Variants in BAZ2A observed in about 807,000 individuals in gnomAD.
BAZ2A encodes the protein bromodomain adjacent to zinc finger domain 2A.
A neutral mutation model predicts 199.9 loss-of-function variants in BAZ2A; 34 were observed. The ratio of observed to expected loss-of-function variants is 0.17; its 90% CI spans 0.13 to 0.23. The LOEUF (loss-of-function observed/expected upper bound fraction) is 0.23, where lower values mean the gene tolerates loss of function less well. Among genes scored for constraint, BAZ2A ranks in the 10% least tolerant of loss-of-function variants. BAZ2A has a pLI of 1.00. For missense variants in BAZ2A, 2,002 were observed against 2,391.1 expected (o/e 0.84, Z 3.39); for synonymous variants, 857 against 883.9 (o/e 0.97, Z 0.54).
chr12:56,601,749 T>C lies in BAZ2A; in HGVS notation c.3868A>G (p.Ser1290Gly), dbSNP rs762781355. The C allele has an allele frequency of 3.7e-6, 6 of 1,613,838 alleles. No individual in the cohort carries two copies. The highest frequency in any genetic ancestry group is 1.3e-5 in the African/African-American group (1 of 74,902). The change falls in exon 20 of 29, where the codon AGC (serine) becomes GGC (glycine). Residue 1290 changes from serine (S) to glycine (G), a missense_variant. Transcript: ENST00000549884. ...GCTGGGTCTAGTTTTCCCGGACTGCTATCAGGTGTGAGGACTGAGCTGCTC... is the reference window on the plus strand; with the variant it reads ...GCTGGGTCTAGTTTTCCCGGACTGCCATCAGGTGTGAGGACTGAGCTGCTC... ...LLSSSVLTPDSSPGKLDPAPS... is the reference protein window; with the variant it reads ...LLSSSVLTPDGSPGKLDPAPS...
In BAZ2A at chr12:56,601,914, G is replaced by A; in HGVS notation, c.3703C>T (p.Leu1235Phe). ...LHAPAQPQPQ[L>F]QLQLQSHKGF... Reference sequence around the variant, plus strand: ...TTATGGGACTGAAGCTGAAGCTGAAGCTGAGGCTGGGGCTGGGCAGGAGCA... The same window carrying A: ...TTATGGGACTGAAGCTGAAGCTGAAACTGAGGCTGGGGCTGGGCAGGAGCA... Residue 1235 changes from leucine to phenylalanine, a missense_variant, in exon 20 of 29, where the codon CTT (leucine) becomes TTT (phenylalanine). Physicochemically the swap from Leu to Phe is conservative, Grantham distance 22. Coordinates refer to ENST00000549884, the MANE Select transcript of BAZ2A (RefSeq NM_001300905.2). 1 of 1,601,084 alleles carries A rather than the reference G, an allele frequency of 6.2e-7. No homozygotes were observed. Among genetic ancestry groups the A allele is most frequent in the Non-Finnish European group, 8.5e-7 (1 of 1,173,616 alleles).
In BAZ2A at chr12:56,598,571, G is replaced by A. The variant is rs1339847640; in HGVS notation, c.*47C>T. ...AGGTGAAAATGGCAGGTTTTTGTTT[G>A]GAAGGTGGGGGGAGATGCCACAAGG... On this transcript the variant is annotated 3_prime_UTR_variant, in exon 29 of 29. Transcript: ENST00000549884. The A allele has an allele frequency of 6.3e-7, 1 of 1,585,246 alleles. No individual in the cohort carries two copies. The highest frequency in any genetic ancestry group is 1.3e-5 in the African/African-American group (1 of 74,198).
At chr12:56,604,169 G>A (rs369542052) in intron 16 of BAZ2A, 48 bp downstream of exon 16, 28 of 1,532,984 alleles carry the variant, frequency 1.8e-5, no homozygotes, top group African/African-American at 8.2e-5. Context: ...TGCTTCACCC[G>A]CCCCACTTCT....
Position 56,604,731 on chromosome 12 carries a change from C to G in BAZ2A, c.2817G>C (p.Leu939=). The change falls in exon 15 of 29, where the codon CTG becomes CTC. Residue 939 remains leucine (L), a synonymous_variant. Transcript: ENST00000549884. Reference sequence around the variant, plus strand: ...CTCCATATGCCATAAGGAAGCAGCGCAGGATCTCTGACACATTGTCTCTTG... The same window carrying G: ...CTCCATATGCCATAAGGAAGCAGCGGAGGATCTCTGACACATTGTCTCTTG... ...PLTRDNVSEI[L]RCFLMAYGVE... is the part of the protein sequence containing the mutation. 6.2e-7 allele frequency: 1 copy of G among 1,613,916 alleles called. No homozygotes were observed. The highest frequency in any genetic ancestry group is 8.5e-7 in the Non-Finnish European group (1 of 1,179,876).
upstream of BAZ2A, chr12:56,634,840 G>A: frequency 1.1e-6 from 1 of 913,646 alleles, no homozygotes; most frequent in Non-Finnish European, 1.3e-6. Flanking sequence ...CCCTCAGGGG[G>A]AGAGTCAGAT....
intron 20 of BAZ2A, 65 bp downstream of exon 20, chr12:56,601,481 C>T (rs1886476473): frequency 1.9e-6 from 3 of 1,593,738 alleles, no homozygotes; most frequent in African/African-American, 2.7e-5. Context: ...AGCAGCTCCA[C>T]ACCCAGGCAA....
intron 5 of BAZ2A, among the ~76,000 whole-genome samples, 181 bp from the exon 6 acceptor site, chr12:56,612,427 G>A (rs2137018810): frequency 6.6e-6 from 1 of 152,310 alleles, no homozygotes; most frequent in South Asian, 2.1e-4. Flanking sequence ...GGGTAAAGTT[G>A]CTACAGATGT....
intron 7 of BAZ2A, 153 bp downstream of exon 7, chr12:56,611,420 A>G (rs1950553359): frequency 6.8e-6 from 5 of 739,912 alleles, no homozygotes; most frequent in Non-Finnish European, 1.1e-5. Flanking sequence ...ATCTCATGCC[A>G]AGAAACATTA....
At chr12:56,611,523 G>A (rs1950557193) in intron 7 of BAZ2A, 50 bp downstream of exon 7, 1 of 1,545,652 alleles carries the variant, frequency 6.5e-7, no homozygotes, top group Non-Finnish European at 8.9e-7. Context: ...TTCTAGAGTT[G>A]TGCATTAAAC....
chr12:56,607,715 C>A (rs945929441), intron 10 of BAZ2A, among the ~76,000 whole-genome samples: 3 of 152,134 alleles, frequency 2.0e-5, no homozygotes, highest in Non-Finnish European at 4.4e-5. Context: ...ATAGAAACGC[C>A]ACCACATGTC....
At position 56,600,755 on chromosome 12, in the gene BAZ2A, C is replaced by G; in HGVS notation, c.4528G>C (p.Glu1510Gln). The change falls in exon 23 of 29, where the codon GAG (glutamate) becomes CAG (glutamine). Residue 1510 changes from glutamate (E) to glutamine (Q), a missense_variant. Physicochemically the swap from Glu to Gln is conservative, Grantham distance 29 (BLOSUM62 2). Coordinates refer to ENST00000549884, the MANE Select transcript of BAZ2A (RefSeq NM_001300905.2). ...MSWSPKEKTY[E>Q]TDLAVLQWVE... ...CATTGAAGCACTGCTAGGTCTGTCT[C>G]GTATGTCTTCTCTTTGGGGGACCAG... 6.2e-7 allele frequency: 1 copy of G among 1,613,832 alleles called. No homozygotes were observed. The highest frequency in any genetic ancestry group is 8.5e-7 in the Non-Finnish European group (1 of 1,179,894).
rs1421452662 is a variant in BAZ2A at position 56,630,245 on chromosome 12, G to T, written c.-123C>A. On this transcript the variant is annotated 5_prime_UTR_variant, in exon 1 of 29. Transcript: ENST00000549884. ...ACGCCCGCTGGGGAGGGGGTCTGGG[G>T]TCCGGGGTTCGGGAAGGGGGAGGGG... 2.0e-6 allele frequency: 2 copies of T among 983,586 alleles called. No individual in the cohort carries two copies. Among genetic ancestry groups the T allele is most frequent in the Non-Finnish European group, 2.4e-6 (2 of 828,304 alleles). 60.9% of individuals were successfully genotyped at this position (983,586 alleles called of 1,614,324 possible). A position where few individuals can be genotyped will look rare whatever the true frequency, so the allele number is the denominator to read the frequency against.
chr12:56,606,862 T>A, intron 10 of BAZ2A, 129 bp from the exon 11 acceptor site: 1 of 727,900 alleles, frequency 1.4e-6, no homozygotes, highest in Non-Finnish European at 2.3e-6. Flanking sequence ...GTAGCTTTTT[T>A]TTTTTTTAAG....
rs1950689816 is a variant in BAZ2A at position 56,615,556 on chromosome 12, G to C, written c.188C>G (p.Thr63Ser). Residue 63 changes from threonine (T) to serine (S), a missense_variant, in exon 3 of 29, where the codon ACT becomes AGT. Coordinates refer to ENST00000549884, the MANE Select transcript of BAZ2A (RefSeq NM_001300905.2). ...AGCAGAGTTCAAAATCCCTGAAGTA[G>C]TAGTGTGAGATACAGTAGATAAGCC... is the stretch of plus-strand genomic sequence containing the variant. ...VNGLSTVSHT[T>S]TSGILNSAPH... is the part of the protein sequence containing the mutation. 1 of 1,612,900 alleles carries C rather than the reference G, an allele frequency of 6.2e-7. No homozygotes were observed. The highest frequency in any genetic ancestry group is 8.5e-7 in the Non-Finnish European group (1 of 1,179,722).
chr12:56,596,434 C>T lies in BAZ2A; in HGVS notation c.*2184G>A, dbSNP rs182328814. On this transcript the variant is annotated 3_prime_UTR_variant, in exon 29 of 29. Coordinates refer to ENST00000549884, the MANE Select transcript of BAZ2A (RefSeq NM_001300905.2). ...CCCAACCCCGCTCCAGCCCCCACTT[C>T]TTCAAACTGAGGCTAGGACCCCACC... is the stretch of plus-strand genomic sequence containing the variant. 8 of 152,226 alleles carry T rather than the reference C, an allele frequency of 5.3e-5. No individual in the cohort carries two copies. Among genetic ancestry groups the T allele is most frequent in the African/African-American group, 1.9e-4 (8 of 41,270 alleles). The allele number at this position is 152,226 out of a possible 1,614,324, so 9.4% of individuals were successfully genotyped here. A position where few individuals can be genotyped will look rare whatever the true frequency, so the allele number is the denominator to read the frequency against.
chr12:56,637,111 CTT>C (rs1366573520), upstream of BAZ2A, among the ~76,000 whole-genome samples: 3 of 152,194 alleles, frequency 2.0e-5, no homozygotes, highest in African/African-American at 7.2e-5. Context: ...TGTAAACAGT[CTT>C]TAACTGAGAG....
intron 1 of BAZ2A, among the ~76,000 whole-genome samples, chr12:56,629,026 CAAAAA>C (rs538908558): frequency 8.4e-6 from 1 of 118,796 alleles, no homozygotes; most frequent in Non-Finnish European, 1.8e-5. Flanking sequence ...GACAAGTTTA[CAAAAA>C]AAAAAAAAGT....
chr12:56,632,362 T>C (rs1195842429), upstream of BAZ2A, among the ~76,000 whole-genome samples: 4 of 152,176 alleles, frequency 2.6e-5, no homozygotes, highest in Non-Finnish European at 5.9e-5. Flanking sequence ...TTCCCTGCCC[T>C]TTTCCAGAGC....
At chr12:56,613,682 G>A (rs1950630959) in intron 4 of BAZ2A, among the ~76,000 whole-genome samples, 2 of 152,190 alleles carry the variant, frequency 1.3e-5, no homozygotes, top group South Asian at 4.1e-4. Context: ...GATCAACTGT[G>A]TGATAATAAG....
Sources: gnomAD v4.1 joint callset for allele counts (sites outside exome capture counted in the v4.1 genomes callset) on GRCh38, gnomAD v4.1.1 for gene constraint, MANE v1.5 for transcripts, NCBI Gene and HGNC (gene_info 2026-07-23, HGNC 2026-07-21) for gene names.